TTN: variants seen among roughly 807,000 people sequenced by gnomAD.
TTN encodes connectin.
In TTN, 1,525 loss-of-function variants were observed where a neutral mutation model predicts 3,223.0. The ratio of observed to expected loss-of-function variants is 0.47; its 90% confidence interval spans 0.45 to 0.49. The LOEUF is 0.49. Ranked by LOEUF, TTN falls within the 20% of genes least tolerant of loss-of-function variation. The pLI, the probability that TTN is intolerant of heterozygous loss-of-function variation, is 0.00. For missense variants in TTN, 40,786 were observed against 43,424.0 expected (o/e 0.94, Z 5.40); for synonymous variants, 14,094 against 15,161.0 (o/e 0.93, Z 5.17).
At chr2:178,681,634 C>T (rs755496673) in intron 136 of TTN, 27 bp downstream of exon 136, 2 of 1,590,334 alleles carry the variant, frequency 1.3e-6, no homozygotes, top group Non-Finnish European at 1.7e-6. Flanking sequence ...AGATCTCTTA[C>T]AGGTAATAAT....
rs923099588 is a variant in TTN at position 178,669,416 on chromosome 2, T to C, written c.35502A>G (p.Glu11834=). Residue 11834 remains glutamate, a synonymous_variant, in exon 159 of 363, where the codon GAA becomes GAG. Coordinates refer to ENST00000589042, the MANE Select transcript of TTN (RefSeq NM_001267550.2). ...VPGMPKKSVQ[E]EKSPIVISED... ...CAGAAATAACAATAGGTGATTTTTC[T>C]TCTTGAACACTTTTCTTAGGCATCC... 1 of 1,524,398 alleles carries C rather than the reference T, an allele frequency of 6.6e-7. No individual in the cohort carries two copies. Among genetic ancestry groups the C allele is most frequent in the Non-Finnish European group, 8.7e-7 (1 of 1,148,292 alleles). 94.4% of individuals were successfully genotyped at this position (1,524,398 alleles called of 1,614,324 possible).
chr2:178,565,989 C>A lies in TTN; in HGVS notation c.80143G>T (p.Val26715Phe), dbSNP rs1705694653. Reference sequence around the variant, plus strand: ...CGTTTGTCAATCACATAGTTCTTGACCTTTGCCCCTCCATCAATGATGGGT... The same window carrying A: ...CGTTTGTCAATCACATAGTTCTTGAACTTTGCCCCTCCATCAATGATGGGT... ...EPPIIDGGAK[V>F]KNYVIDKRES... Residue 26715 changes from valine (V) to phenylalanine (F), a missense_variant, in exon 326 of 363, where the codon GTC (valine) becomes TTC (phenylalanine). Val to Phe is a conservative substitution (Grantham distance 50). Coordinates refer to ENST00000589042, the MANE Select transcript of TTN (RefSeq NM_001267550.2). 1.2e-6 allele frequency: 2 copies of A among 1,613,426 alleles called. No homozygotes were observed. The highest frequency in any genetic ancestry group is 2.2e-5 in the East Asian group (1 of 44,846).
chr2:178,570,616 T>G lies in TTN; in HGVS notation c.75516A>C (p.Lys25172Asn). The part of the protein sequence containing the change: ...STDFATSLSV[K>N]DAVRVDSGNY... ...TTCCACTGTCGACACGTACTGCATC[T>G]TTTACACTGAGACTGGTGGCAAAGT... is the stretch of plus-strand genomic sequence containing the variant. The change falls in exon 326 of 363, where the codon AAA becomes AAC. Residue 25172 changes from lysine (K) to asparagine (N), a missense_variant. Lys to Asn is a moderately conservative substitution (Grantham distance 94). Transcript: ENST00000589042. 6.2e-7 allele frequency: 1 copy of G among 1,613,480 alleles called. No homozygotes were observed. Among genetic ancestry groups the G allele is most frequent in the Admixed American group, 1.7e-5 (1 of 59,976 alleles).
chr2:178,787,023 G>A (rs2093233518), intron 13 of TTN, among the ~76,000 whole-genome samples: 1 of 152,082 alleles, frequency 6.6e-6, no homozygotes, highest in Non-Finnish European at 1.5e-5. Context: ...GTGATACTTG[G>A]AAACAGCATA....
Position 178,776,244 on chromosome 2 carries a change from A to G in TTN, c.5620T>C (p.Trp1874Arg). ...CGGATGAGCTGTCCATTGAGGTACC[A>G]GTTGACTTTGGGCTGAGGGTAGCCT... ...VTGYPQPKVN[W>R]YLNGQLIRKS... The change falls in exon 28 of 363, where the codon TGG becomes CGG. Residue 1874 changes from tryptophan (W) to arginine (R), a missense_variant. Coordinates refer to ENST00000589042, the MANE Select transcript of TTN (RefSeq NM_001267550.2). The G allele has an allele frequency of 6.2e-7, 1 of 1,614,182 alleles. No individual in the cohort carries two copies. The highest frequency in any genetic ancestry group is 8.5e-7 in the Non-Finnish European group (1 of 1,180,018).
intron 13 of TTN, among the ~76,000 whole-genome samples, chr2:178,788,485 G>A (rs914481309): frequency 1.3e-5 from 2 of 151,884 alleles, no homozygotes; most frequent in African/African-American, 2.4e-5. Flanking sequence ...TTTGAGTAAA[G>A]GTTTAAAAAG....
At chr2:178,746,494 T>G in intron 47 of TTN, 1 of 1,613,120 alleles carries the variant, frequency 6.2e-7, no homozygotes, top group South Asian at 1.1e-5. Context: ...AAGGTGTTCT[T>G]GATGATGTGG....
chr2:178,548,328 C>T lies in TTN; in HGVS notation c.93298G>A (p.Glu31100Lys). Residue 31100 changes from glutamate (E) to lysine (K), a missense_variant, in exon 339 of 363, where the codon GAG becomes AAG. By Grantham distance (56) the Glu-to-Lys change is moderately conservative. Coordinates refer to ENST00000589042, the MANE Select transcript of TTN (RefSeq NM_001267550.2). This position sits in a 1 kb window ranked among gnomAD's most constrained non-coding sequence, Gnocchi z 4.3. ...VSAVNEYGVG[E>K]PYEMPEPIVA... ...ATTGGTTCTGGCATTTCATAGGGCT[C>T]ACCAACACCATACTCATTTACTGCA... 6.2e-7 allele frequency: 1 copy of T among 1,613,868 alleles called. No homozygotes were observed. Among genetic ancestry groups the T allele is most frequent in the Middle Eastern group, 1.6e-4 (1 of 6,062 alleles).
rs552832521 is a variant in TTN at position 178,693,593 on chromosome 2, A to G, written c.31594+16T>C. 1.3e-4 allele frequency: 200 copies of G among 1,525,418 alleles called. 4 individuals are homozygous for G. Among genetic ancestry groups the G allele is most frequent in the South Asian group, 1.2e-3 (94 of 79,842 alleles). 94.5% of individuals were successfully genotyped at this position (1,525,418 alleles called of 1,614,324 possible). A position where few individuals can be genotyped will look rare whatever the true frequency, so the allele number is the denominator to read the frequency against. ...TTTTATTAAAAGAGTTTAAACTTAGAATGAATTACTAATACCTTTAGGTGG... is the reference window on the plus strand; with the variant it reads ...TTTTATTAAAAGAGTTTAAACTTAGGATGAATTACTAATACCTTTAGGTGG... On this transcript the variant is annotated intron_variant, in intron 119 of 362. Transcript: ENST00000589042.
Position 178,568,384 on chromosome 2 carries a change from T to C in TTN, c.77748A>G (p.Leu25916=). The C allele has an allele frequency of 6.2e-7, 1 of 1,613,234 alleles. No homozygotes were observed. The highest frequency in any genetic ancestry group is 1.1e-5 in the South Asian group (1 of 91,070). The change falls in exon 326 of 363, where the codon TTA becomes TTG. Residue 25916 remains leucine, a synonymous_variant. Transcript: ENST00000589042. ...ESITLSWNPP[L]YTGGCQITNY... Reference sequence around the variant, plus strand: ...TGGTGATTTGGCAGCCCCCTGTATATAATGGAGGGTTCCAAGATAATGTAA... The same window carrying C: ...TGGTGATTTGGCAGCCCCCTGTATACAATGGAGGGTTCCAAGATAATGTAA...
In TTN at chr2:178,563,081, A is replaced by C; in HGVS notation, c.83051T>G (p.Val27684Gly). ...AGTAGCACTTGCACGCAGAACGACC[A>C]CCTTTCTGAGATCAGCATCGAGTTC... ...EIELDADLRK[V>G]VVLRASATLR... is the part of the protein sequence containing the mutation. The change falls in exon 326 of 363, where the codon GTG becomes GGG. Residue 27684 changes from valine (V) to glycine (G), a missense_variant. Physicochemically the swap from Val to Gly is moderately radical, Grantham distance 109. Coordinates refer to ENST00000589042, the MANE Select transcript of TTN (RefSeq NM_001267550.2). The surrounding 1 kb of genome is among the most constrained non-coding windows in gnomAD (Gnocchi z 4.5). The C allele has an allele frequency of 1.9e-6, 3 of 1,613,652 alleles. No homozygotes were observed. The highest frequency in any genetic ancestry group is 2.5e-6 in the Non-Finnish European group (3 of 1,179,698).
rs2154318035 is a variant in TTN at position 178,740,216 on chromosome 2, T to A, written c.13017A>T (p.Val4339=). ...TGTCAGAATGCTCTTCTTTGAGCAG[T>A]ACCTGCTTTTCTTCAAGTGCTAGTG... ...RFPLALEEKQ[V]LLKEEHSDNV... is the part of the protein sequence containing the mutation. Residue 4339 remains valine (V), a synonymous_variant, in exon 48 of 363, where the codon GTA becomes GTT. Transcript: ENST00000589042. 6.2e-7 allele frequency: 1 copy of A among 1,613,730 alleles called. No individual in the cohort carries two copies. Among genetic ancestry groups the A allele is most frequent in the Non-Finnish European group, 8.5e-7 (1 of 1,179,806 alleles).
At chr2:178,750,606 C>CA (rs781071987) in intron 47 of TTN, 8 of 1,612,284 alleles carry the variant, frequency 5.0e-6, no homozygotes, top group Admixed American at 1.7e-5. Context: ...AAAGAATTTT[C>CA]AAAAAATCTC....
chr2:178,759,237 C>A, intron 43 of TTN, 65 bp from the exon 44 acceptor site: 3 of 1,527,162 alleles, frequency 2.0e-6, no homozygotes, highest in Non-Finnish European at 2.7e-6. Context: ...AATTTACCTG[C>A]AAACACAATG....
chr2:178,768,529 C>A, intron 38 of TTN, 144 bp downstream of exon 38: 3 of 1,227,822 alleles, frequency 2.4e-6, no homozygotes, highest in South Asian at 1.5e-5. Context: ...TGTAGCATAT[C>A]GTAGTGCTTC....
intron 11 of TTN, among the ~76,000 whole-genome samples, chr2:178,790,381 A>G (rs770488964): frequency 3.9e-5 from 6 of 152,238 alleles, no homozygotes; most frequent in Non-Finnish European, 8.8e-5. Flanking sequence ...CACATTTTTT[A>G]AAACTGCAAT....
chr2:178,752,442 A>G (rs1305408772), intron 47 of TTN, among the ~76,000 whole-genome samples: 1 of 152,074 alleles, frequency 6.6e-6, no homozygotes, highest in Non-Finnish European at 1.5e-5. Flanking sequence ...AAATTATTAT[A>G]TTTTTGAGAA....
rs556956013 is a variant in TTN at position 178,649,539 on chromosome 2, C to G, written c.39973+15G>C. ...AATACTTTCTTTTTTATGATGCCAACGATGAAGTGAATACCTTTAGCTGCT... is the reference window on the plus strand; with the variant it reads ...AATACTTTCTTTTTTATGATGCCAAGGATGAAGTGAATACCTTTAGCTGCT... On this transcript the variant is annotated intron_variant, in intron 212 of 362. Coordinates refer to ENST00000589042, the MANE Select transcript of TTN (RefSeq NM_001267550.2). 9 of 1,546,796 alleles carry G rather than the reference C, an allele frequency of 5.8e-6. No individual in the cohort carries two copies. The African/African-American group carries it at 1.2e-4, about 21-fold the overall frequency.
Position 178,631,260 on chromosome 2 carries a change from A to G in TTN, c.43788T>C (p.Thr14596=). 6.2e-7 allele frequency: 1 copy of G among 1,611,582 alleles called. No individual in the cohort carries two copies. The highest frequency in any genetic ancestry group is 8.5e-7 in the Non-Finnish European group (1 of 1,179,080). Residue 14596 remains threonine (T), a synonymous_variant, in exon 237 of 363, where the codon ACT becomes ACC. Coordinates refer to ENST00000589042, the MANE Select transcript of TTN (RefSeq NM_001267550.2). ...GAATAACTTCATCTTTCTCTACACC[A>G]GTATAATCTTGAAGTTTTCCTGTAA... is the stretch of plus-strand genomic sequence containing the variant. The part of the protein sequence containing the change: ...PYFTGKLQDY[T]GVEKDEVILQ...
Sources: gnomAD v4.1 joint callset for allele counts (sites outside exome capture counted in the v4.1 genomes callset) on GRCh38, gnomAD v4.1.1 for gene constraint, Gnocchi (gnomAD v3.1) non-coding constraint, MANE v1.5 for transcripts, NCBI Gene and HGNC (gene_info 2026-07-23, HGNC 2026-07-21) for gene names.